Variants in FBXO28 observed in about 807,000 individuals in gnomAD.
FBXO28 encodes the protein F-box protein 28, also known as F-box only protein 28.
A neutral mutation model predicts 38.1 loss-of-function variants in FBXO28; 8 were observed. The ratio of observed to expected loss-of-function variants is 0.21; its 90% confidence interval spans 0.12 to 0.38. The LOEUF (loss-of-function observed/expected upper bound fraction) is 0.38. FBXO28 is among the 10% of genes least tolerant of loss of function. The pLI is 1.00. For synonymous variants in FBXO28, 168 were observed against 173.8 expected, an observed-to-expected ratio of 0.97 and a Z score of 0.26; for missense variants, 345 against 460.6, an observed-to-expected ratio of 0.75 and a Z score of 2.30.
At chr1:224,140,856 G>GA (rs1275021290) in intron 3 of FBXO28, among the ~76,000 whole-genome samples, 6 of 151,676 alleles carry the variant, frequency 4.0e-5, no homozygotes, top group Non-Finnish European at 5.9e-5. Flanking sequence ...TGAGGCAGGA[G>GA]AATCGCTTGA....
At chr1:224,156,990 A>T (rs1657788798) in intron 4 of FBXO28, among the ~76,000 whole-genome samples, 1 of 114,404 alleles carries the variant, frequency 8.7e-6, no homozygotes, top group Non-Finnish European at 1.9e-5. Flanking sequence ...CAATAGAGTG[A>T]GACTCTGTCT....
At chr1:224,136,294 C>T (rs747925587) in intron 3 of FBXO28, among the ~76,000 whole-genome samples, 1 of 151,484 alleles carries the variant, frequency 6.6e-6, no homozygotes, top group Non-Finnish European at 1.5e-5. Context: ...TATAAGGATG[C>T]GGCATTTAAT....
intron 3 of FBXO28, among the ~76,000 whole-genome samples, chr1:224,146,493 C>T (rs908158236): frequency 1.1e-4 from 17 of 151,938 alleles, no homozygotes; most frequent in African/African-American, 3.9e-4. Flanking sequence ...TGATATTCAT[C>T]GTATATAATT....
At chr1:224,124,371 C>T (rs943419334) in intron 1 of FBXO28, among the ~76,000 whole-genome samples, 1 of 152,154 alleles carries the variant, frequency 6.6e-6, no homozygotes, top group Non-Finnish European at 1.5e-5. Context: ...ATAGTATATA[C>T]TTTTCCTAAT....
intron 3 of FBXO28, among the ~76,000 whole-genome samples, chr1:224,137,393 T>G (rs1318503800): frequency 2.0e-5 from 3 of 151,588 alleles, no homozygotes; most frequent in South Asian, 2.1e-4. Flanking sequence ...CGTGGTGGTG[T>G]GCACCTGTAG....
At chr1:224,127,070 A>G (rs993226716) in intron 1 of FBXO28, among the ~76,000 whole-genome samples, 17 of 151,278 alleles carry the variant, frequency 1.1e-4, no homozygotes, top group African/African-American at 3.7e-4. Flanking sequence ...TCATGTGATT[A>G]TTCAGGACTG....
chr1:224,141,254 C>CCT, intron 3 of FBXO28, among the ~76,000 whole-genome samples: 2 of 151,852 alleles, frequency 1.3e-5, no homozygotes, highest in Non-Finnish European at 2.9e-5. Flanking sequence ...GGGCGGATCA[C>CCT]GAGGTCAGGA....
chr1:224,144,725 A>G (rs746228147), intron 3 of FBXO28, among the ~76,000 whole-genome samples: 8 of 151,920 alleles, frequency 5.3e-5, no homozygotes, highest in Non-Finnish European at 7.4e-5. Context: ...CCACCACTGC[A>G]CTCCAGCCTG....
intron 3 of FBXO28, among the ~76,000 whole-genome samples, chr1:224,149,681 T>A (rs2102632514): frequency 6.6e-6 from 1 of 152,282 alleles, no homozygotes; most frequent in African/African-American, 2.4e-5. Context: ...ATCTCTTCTG[T>A]CATAGAGTTT....
chr1:224,155,278 G>A (rs183012955), intron 4 of FBXO28, among the ~76,000 whole-genome samples: 10 of 152,030 alleles, frequency 6.6e-5, no homozygotes, highest in South Asian at 6.2e-4. Context: ...CAATTCTCCC[G>A]CCTCAGCCTC....
At chr1:224,128,245 A>ATTT (rs34465508) in intron 1 of FBXO28, among the ~76,000 whole-genome samples, 1 of 147,904 alleles carries the variant, frequency 6.8e-6, no homozygotes, top group South Asian at 2.1e-4. Context: ...TATTATTATT[A>ATTT]TTTTTTTTTA....
chr1:224,133,695 G>C (rs912807368), intron 2 of FBXO28, among the ~76,000 whole-genome samples: 1 of 151,714 alleles, frequency 6.6e-6, no homozygotes, highest in African/African-American at 2.4e-5. Context: ...TTTTTTAGTA[G>C]AGACGGGGTT....
At chr1:224,153,609 A>G (rs1371632971) in intron 4 of FBXO28, among the ~76,000 whole-genome samples, 1 of 152,210 alleles carries the variant, frequency 6.6e-6, no homozygotes, top group Admixed American at 6.5e-5. Context: ...GACTTACAAT[A>G]AACTTATTAG....
At position 224,157,676 on chromosome 1, in the gene FBXO28, G is replaced by A. The variant is rs751619060; in HGVS notation, c.1037G>A (p.Arg346Gln). The A allele has an allele frequency of 1.1e-5, 17 of 1,612,322 alleles. No individual in the cohort carries two copies. Among genetic ancestry groups the A allele is most frequent in the South Asian group, 3.3e-5 (3 of 90,846 alleles). The change falls in exon 5 of 5, where the codon CGG (arginine) becomes CAG (glutamine). Residue 346 changes from arginine (R) to glutamine (Q), a missense_variant. Transcript: ENST00000366862. ...SGSGQNEESPRKRKKATEAID... is the reference protein window; with the variant it reads ...SGSGQNEESPQKRKKATEAID... ...TCCGGGCAGAATGAGGAGTCTCCTC[G>A]GAAACGAAAAAAGGCCACGGAAGCC...
intron 3 of FBXO28, among the ~76,000 whole-genome samples, chr1:224,135,611 C>CAAAAAAAAAAAAAAAAAAAA (rs71168313): frequency 9.0e-6 from 1 of 110,766 alleles, no homozygotes; most frequent in Non-Finnish European, 1.8e-5. Flanking sequence ...GACTCTGTCT[C>CAAAAAAAAAAAAAAAAAAAA]AAAAAAAAAA....
At chr1:224,122,876 G>A (rs1226076783) in intron 1 of FBXO28, among the ~76,000 whole-genome samples, 1 of 152,154 alleles carries the variant, frequency 6.6e-6, no homozygotes, top group Non-Finnish European at 1.5e-5. Flanking sequence ...AGTGCCAGCA[G>A]TTCTATAACA....
intron 1 of FBXO28, among the ~76,000 whole-genome samples, chr1:224,120,863 C>CA (rs5781347): frequency 1.7e-5 from 2 of 118,962 alleles, no homozygotes; most frequent in African/African-American, 6.3e-5. Flanking sequence ...AACTCCATCT[C>CA]AAAAAAAAAA....
At chr1:224,153,918 T>C (rs1190792207) in intron 4 of FBXO28, among the ~76,000 whole-genome samples, 1 of 122,606 alleles carries the variant, frequency 8.2e-6, no homozygotes, top group Non-Finnish European at 1.7e-5. Flanking sequence ...CGAAACTCCA[T>C]CTCAAAAAAA....
intron 3 of FBXO28, among the ~76,000 whole-genome samples, chr1:224,149,143 GTATTT>G (rs1657581088): frequency 6.6e-6 from 1 of 151,934 alleles, no homozygotes; most frequent in African/African-American, 2.4e-5. Context: ...AAGGCTGTGG[GTATTT>G]TATTAAACAT....
Sources: allele counts gnomAD v4.1 joint callset (sites outside exome capture counted in the v4.1 genomes callset), GRCh38; gene constraint gnomAD v4.1.1; transcripts MANE v1.5; gene names NCBI Gene and HGNC (gene_info 2026-07-23, HGNC 2026-07-21).